Variants in TNIK observed in about 807,000 individuals in gnomAD.
The protein encoded by TNIK is TRAF2 and NCK interacting kinase, also known as TRAF2 and NCK-interacting protein kinase.
In TNIK, 49 loss-of-function variants were observed where a neutral mutation model predicts 191.3. The observed-to-expected ratio is 0.26, with a 90% CI of 0.20 to 0.32. The LOEUF (loss-of-function observed/expected upper bound fraction) is 0.32. Among genes scored for constraint, TNIK ranks in the 10% least tolerant of loss-of-function variants. The pLI, the probability that TNIK is intolerant of heterozygous loss-of-function variation, is 1.00. For missense variants in TNIK, 1,155 were observed against 1,702.3 expected (o/e 0.68, Z 5.66); for synonymous variants, 594 against 600.9 (o/e 0.99, Z 0.17).
intron 15 of TNIK, among the ~76,000 whole-genome samples, chr3:171,131,091 G>C (rs1414235841): frequency 2.1e-5 from 3 of 142,810 alleles, no homozygotes; most frequent in Non-Finnish European, 4.6e-5. Flanking sequence ...AAATTAACAG[G>C]GCATTGGGAG....
intron 2 of TNIK, among the ~76,000 whole-genome samples, chr3:171,317,111 G>A (rs1754722666): frequency 6.6e-6 from 1 of 151,800 alleles, no homozygotes; most frequent in Non-Finnish European, 1.5e-5. Context: ...TTCTTCTCCA[G>A]AGAATGACCT....
At chr3:171,344,242 C>A (rs891087651) in intron 2 of TNIK, among the ~76,000 whole-genome samples, 1 of 152,122 alleles carries the variant, frequency 6.6e-6, no homozygotes, top group Non-Finnish European at 1.5e-5. Context: ...CCTCAGTGGG[C>A]AATTCTGGTT....
intron 1 of TNIK, among the ~76,000 whole-genome samples, chr3:171,403,312 G>C (rs1021004552): frequency 6.6e-6 from 1 of 152,192 alleles, no homozygotes; most frequent in Non-Finnish European, 1.5e-5. Context: ...AAGAGCTTTT[G>C]TCTTAGAAAA....
chr3:171,397,484 T>C (rs1720403534), intron 1 of TNIK, among the ~76,000 whole-genome samples: 1 of 152,236 alleles, frequency 6.6e-6, no homozygotes, highest in Non-Finnish European at 1.5e-5. Context: ...GCAGAAATTC[T>C]CAGTATCCTA....
intron 3 of TNIK, among the ~76,000 whole-genome samples, chr3:171,212,100 T>C (rs545646380): frequency 6.6e-6 from 1 of 152,264 alleles, no homozygotes; most frequent in South Asian, 2.1e-4. Context: ...GGTGCAGCAG[T>C]AAGCTATGAC....
At chr3:171,437,464 G>A (rs1458598469) in intron 1 of TNIK, among the ~76,000 whole-genome samples, 2 of 152,178 alleles carry the variant, frequency 1.3e-5, no homozygotes, top group East Asian at 3.8e-4. Context: ...ACACACAAAT[G>A]CAAGCATAGG....
intron 2 of TNIK, among the ~76,000 whole-genome samples, chr3:171,338,790 A>G: frequency 6.6e-6 from 1 of 151,772 alleles, no homozygotes; most frequent in East Asian, 1.9e-4. Context: ...GGTATCAACC[A>G]CCATGCCCGG....
chr3:171,264,105 CACACACATATATAT>C (rs1365779590), intron 2 of TNIK, among the ~76,000 whole-genome samples: 8 of 68,520 alleles, frequency 1.2e-4, no homozygotes, highest in African/African-American at 1.6e-4. Flanking sequence ...CACACACACA[CACACACATATATAT>C]ATATATATAT....
At chr3:171,402,299 G>A (rs1412021312) in intron 1 of TNIK, among the ~76,000 whole-genome samples, 1 of 152,232 alleles carries the variant, frequency 6.6e-6, no homozygotes. Flanking sequence ...AAAAGGATTT[G>A]TGGAAGTTGG....
chr3:171,453,265 T>C (rs937437946), intron 1 of TNIK, among the ~76,000 whole-genome samples: 2 of 152,188 alleles, frequency 1.3e-5, no homozygotes, highest in Non-Finnish European at 2.9e-5. Flanking sequence ...CAGAAAGTTC[T>C]GAGTGTTATG....
rs187505148 is a variant in TNIK at position 171,436,107 on chromosome 3, G to T, written c.57+23900C>A. ...TTGCTTTAAGTTATTTCAGCTCCATGAAACTCCCACTCCTGACCTTCCCTC... is the reference window on the plus strand; with the variant it reads ...TTGCTTTAAGTTATTTCAGCTCCATTAAACTCCCACTCCTGACCTTCCCTC... On this transcript the variant is annotated intron_variant, in intron 1 of 32. Coordinates refer to ENST00000436636, the MANE Select transcript of TNIK (RefSeq NM_015028.4). Among the ~76,000 whole-genome samples, 175 of 150,038 alleles carry T rather than the reference G, an allele frequency of 1.2e-3. 1 individual carries two copies. Among genetic ancestry groups the T allele is most frequent in the African/African-American group, 4.0e-3 (165 of 41,448 alleles).
intron 2 of TNIK, among the ~76,000 whole-genome samples, chr3:171,239,650 A>G (rs1187108897): frequency 6.6e-6 from 1 of 152,240 alleles, no homozygotes; most frequent in Non-Finnish European, 1.5e-5. Context: ...GTCAGCACAG[A>G]CTGCATTTGC....
At chr3:171,069,820 T>C (rs1718955889) in intron 29 of TNIK, among the ~76,000 whole-genome samples, 1 of 152,248 alleles carries the variant, frequency 6.6e-6, no homozygotes, top group South Asian at 2.1e-4. Flanking sequence ...ATGCCACTGC[T>C]ACCTCTCAGA....
intron 2 of TNIK, among the ~76,000 whole-genome samples, chr3:171,240,995 AAC>A (rs1390573269): frequency 6.6e-6 from 1 of 152,028 alleles, no homozygotes; most frequent in East Asian, 1.9e-4. Flanking sequence ...TCTTTGTGGA[AAC>A]ACTTTTCCAA....
At chr3:171,121,757 A>T (rs1277800931) in intron 18 of TNIK, among the ~76,000 whole-genome samples, 1 of 152,228 alleles carries the variant, frequency 6.6e-6, no homozygotes, top group African/African-American at 2.4e-5. Context: ...AGCTTTTAAA[A>T]ATGCAATCCA....
intron 2 of TNIK, among the ~76,000 whole-genome samples, chr3:171,327,024 A>AT (rs1321121651): frequency 6.6e-6 from 1 of 152,168 alleles, no homozygotes; most frequent in East Asian, 1.9e-4. Context: ...AAACTGTTAA[A>AT]TTTTTAGAGA....
At chr3:171,144,502 A>G (rs540447012) in intron 12 of TNIK, among the ~76,000 whole-genome samples, 2 of 152,212 alleles carry the variant, frequency 1.3e-5, no homozygotes, top group Non-Finnish European at 1.5e-5. Flanking sequence ...TATGATTGAC[A>G]TGTAATAATT....
At chr3:171,097,096 G>GA (rs1297430712) in intron 22 of TNIK, among the ~76,000 whole-genome samples, 1 of 152,094 alleles carries the variant, frequency 6.6e-6, no homozygotes, top group Non-Finnish European at 1.5e-5. Context: ...AACTTTACAG[G>GA]AAAAAGAGTT....
chr3:171,237,846 A>T (rs1169376278), intron 2 of TNIK, among the ~76,000 whole-genome samples: 1 of 152,160 alleles, frequency 6.6e-6, no homozygotes, highest in Non-Finnish European at 1.5e-5. Flanking sequence ...TGAGCCCAGG[A>T]GTTTGAGGCT....
Sources: allele counts gnomAD v4.1 joint callset (sites outside exome capture counted in the v4.1 genomes callset), GRCh38; gene constraint gnomAD v4.1.1; transcripts MANE v1.5; gene names NCBI Gene and HGNC (gene_info 2026-07-23, HGNC 2026-07-21).